The following MCTP1 variants were observed in gnomAD, a reference collection of about 807,000 sequenced individuals.
MCTP1 encodes the protein multiple C2 and transmembrane domain-containing protein 1.
Under a neutral mutation model 120.6 loss-of-function variants are expected in MCTP1, and 69 were observed. The ratio of observed to expected loss-of-function variants is 0.57; its 90% CI spans 0.47 to 0.70. MCTP1 has a LOEUF of 0.70. Ranked by LOEUF, MCTP1 falls within the 30% of genes least tolerant of loss-of-function variation. MCTP1 has a pLI of 0.00. For synonymous variants in MCTP1, 529 were observed against 493.1 expected (o/e 1.07, Z -0.96); for missense variants, 1,203 against 1,248.8 (o/e 0.96, Z 0.55).
chr5:94,767,532 A>G lies in MCTP1; in HGVS notation c.2610+11578T>C, dbSNP rs532249977. 3.9e-5 allele frequency among the ~76,000 whole-genome samples: 6 copies of G among 152,288 alleles called. No homozygotes were observed. The South Asian group carries it at 1.2e-3, about 32-fold the overall frequency. On this transcript the variant is annotated intron_variant, in intron 19 of 22. Transcript: ENST00000515393. ...AAAAACCTAAAGACACCACAAAAAA[A>G]CCTCTTAGAACAGATAAACAAATTC...
intron 1 of MCTP1, among the ~76,000 whole-genome samples, chr5:95,203,502 G>A (rs945314027): frequency 5.3e-5 from 8 of 152,124 alleles, no homozygotes; most frequent in South Asian, 2.1e-4. Flanking sequence ...CTAGAAGTCC[G>A]TATCTACTGT....
At chr5:94,882,327 A>C (rs530096552) in intron 12 of MCTP1, among the ~76,000 whole-genome samples, 21 of 152,242 alleles carry the variant, frequency 1.4e-4, no homozygotes, top group African/African-American at 4.8e-4. Flanking sequence ...CCCCAGTGAC[A>C]TCAATCCTTT....
intron 1 of MCTP1, among the ~76,000 whole-genome samples, chr5:95,076,190 T>C (rs1328009787): frequency 7.3e-6 from 1 of 136,736 alleles, no homozygotes. Context: ...TGATAAAAGT[T>C]ATATGAATGT....
At chr5:94,967,256 G>T (rs1358783690) in intron 2 of MCTP1, among the ~76,000 whole-genome samples, 1 of 152,150 alleles carries the variant, frequency 6.6e-6, no homozygotes, top group Non-Finnish European at 1.5e-5. Context: ...TGGGTGGTCT[G>T]CTGGGTCTTA....
At position 95,221,600 on chromosome 5, in the gene MCTP1, T is replaced by C. The variant is rs78961735; in HGVS notation, c.720+62256A>G. On this transcript the variant is annotated intron_variant, in intron 1 of 22. Transcript: ENST00000515393. ...ACCACTACCATGCTTCTCTCTTTTA[T>C]GCTCTAACCTGTACCTTTTGCAAAA... is the stretch of plus-strand genomic sequence containing the variant. 5.9e-3 allele frequency among the ~76,000 whole-genome samples: 903 copies of C among 152,334 alleles called. 14 individuals carry two copies. Among genetic ancestry groups the C allele is most frequent in the African/African-American group, 0.021 (870 of 41,564 alleles).
chr5:94,988,068 G>GATC (rs145693874), intron 2 of MCTP1, among the ~76,000 whole-genome samples: 2,832 of 152,264 alleles, frequency 0.019, 53 homozygotes, highest in Non-Finnish European at 0.023. Flanking sequence ...GAAGCAGAAT[G>GATC]ATCACATTCA....
chr5:94,983,938 T>A, intron 2 of MCTP1, among the ~76,000 whole-genome samples: 1 of 152,176 alleles, frequency 6.6e-6, no homozygotes, highest in Non-Finnish European at 1.5e-5. Flanking sequence ...TCTCTAACAA[T>A]CCAGCAGTGC....
intron 1 of MCTP1, among the ~76,000 whole-genome samples, chr5:95,165,456 T>C (rs17341897): frequency 0.06 from 9,144 of 152,248 alleles, 370 homozygotes; most frequent in Non-Finnish European, 0.091. Context: ...TACTGAAAAA[T>C]TGTGATTACA....
intron 1 of MCTP1, among the ~76,000 whole-genome samples, chr5:95,132,343 C>T (rs73776201): frequency 2.2e-3 from 342 of 152,320 alleles, no homozygotes; most frequent in African/African-American, 8.0e-3. Flanking sequence ...ACACTCAGCA[C>T]AACAGGAGGC....
chr5:94,878,916 G>A (rs1032847974), intron 12 of MCTP1, among the ~76,000 whole-genome samples: 3 of 152,058 alleles, frequency 2.0e-5, no homozygotes. Flanking sequence ...TTTAATTGGG[G>A]TGGTCAGAAT....
At chr5:94,729,945 A>G (rs1762825474) in intron 19 of MCTP1, among the ~76,000 whole-genome samples, 1 of 152,222 alleles carries the variant, frequency 6.6e-6, no homozygotes, top group Non-Finnish European at 1.5e-5. Context: ...CATTTTTAAA[A>G]TACCACTTAG....
intron 1 of MCTP1, among the ~76,000 whole-genome samples, chr5:95,139,627 G>A (rs1010503614): frequency 3.9e-5 from 6 of 152,064 alleles, no homozygotes; most frequent in Admixed American, 2.0e-4. Context: ...CTCACCAAAG[G>A]TTAATTTCTA....
At chr5:94,840,343 C>G (rs546642967) in intron 17 of MCTP1, among the ~76,000 whole-genome samples, 1 of 152,310 alleles carries the variant, frequency 6.6e-6, no homozygotes, top group South Asian at 2.1e-4. Flanking sequence ...GAGAGAGGAA[C>G]AGAGAGACGA....
At chr5:95,112,479 C>T (rs1757532432) in intron 1 of MCTP1, among the ~76,000 whole-genome samples, 3 of 152,160 alleles carry the variant, frequency 2.0e-5, no homozygotes, top group Admixed American at 2.0e-4. Context: ...TTATTGGGAA[C>T]AAACTTTAAA....
chr5:94,869,329 G>A (rs2153286267), intron 16 of MCTP1, among the ~76,000 whole-genome samples: 1 of 152,084 alleles, frequency 6.6e-6, no homozygotes, highest in South Asian at 2.1e-4. Flanking sequence ...AGTTTACTGA[G>A]GTCATATGGA....
At chr5:94,883,264 A>G (rs1800521952) in intron 12 of MCTP1, among the ~76,000 whole-genome samples, 1 of 152,186 alleles carries the variant, frequency 6.6e-6, no homozygotes, top group African/African-American at 2.4e-5. Context: ...CAGGTGTTGT[A>G]TATTTCTGAT....
At chr5:94,825,469 C>T (rs1293663843) in intron 17 of MCTP1, among the ~76,000 whole-genome samples, 1 of 152,020 alleles carries the variant, frequency 6.6e-6, no homozygotes, top group Non-Finnish European at 1.5e-5. Flanking sequence ...ATTATGTGGT[C>T]AATTTTAGAA....
chr5:94,783,443 A>G (rs10041171), intron 18 of MCTP1, among the ~76,000 whole-genome samples: 9,478 of 152,126 alleles, frequency 0.062, 814 homozygotes, highest in African/African-American at 0.19. Context: ...AACACAACAA[A>G]ACACATCTTG....
chr5:95,077,119 T>A (rs1223065428), intron 1 of MCTP1, among the ~76,000 whole-genome samples: 2 of 152,190 alleles, frequency 1.3e-5, no homozygotes, highest in African/African-American at 4.8e-5. Context: ...TTGAGTTCTC[T>A]AATGAAATAT....
Sources: allele counts gnomAD v4.1 joint callset (sites outside exome capture counted in the v4.1 genomes callset), GRCh38; gene constraint gnomAD v4.1.1; transcripts MANE v1.5; gene names NCBI Gene and HGNC (gene_info 2026-07-23, HGNC 2026-07-21).